ADRA1B: variants seen among roughly 807,000 people sequenced by gnomAD.
ADRA1B encodes alpha-1B adrenergic receptor.
ADRA1B carries 17 observed loss-of-function variants against 17.9 expected under a neutral mutation model. The ratio of observed to expected loss-of-function variants is 0.95; its 90% CI spans 0.65 to 1.42. The LOEUF is 1.42. Ranked by LOEUF, ADRA1B falls within the 40% of genes most tolerant of loss-of-function variation. The pLI, the probability that ADRA1B is intolerant of heterozygous loss-of-function variation, is 0.00. For missense variants in ADRA1B, 681 were observed against 722.1 expected (o/e 0.94, Z 0.65); for synonymous variants, 366 against 327.6 (o/e 1.12, Z -1.27).
At chr5:159,909,657 C>T (rs1398660655) in intron 1 of ADRA1B, among the ~76,000 whole-genome samples, 1 of 152,210 alleles carries the variant, frequency 6.6e-6, no homozygotes, top group Admixed American at 6.5e-5. Context: ...AGACTGTAAA[C>T]TACGGGAGGA....
At chr5:159,977,475 G>A (rs1436506756), downstream of ADRA1B, among the ~76,000 whole-genome samples, 1 of 152,208 alleles carries the variant, frequency 6.6e-6, no homozygotes. Context: ...TTGGAGGGAT[G>A]GGGGTGATGG....
At chr5:159,918,461 A>G (rs1754391897) in intron 1 of ADRA1B, among the ~76,000 whole-genome samples, 1 of 152,208 alleles carries the variant, frequency 6.6e-6, no homozygotes, top group African/African-American at 2.4e-5. Context: ...CACAGCCCCA[A>G]CCAGCCTTTA....
intron 1 of ADRA1B, chr5:159,868,832 G>A: frequency 6.6e-6 from 1 of 152,164 alleles, no homozygotes; most frequent in Admixed American, 6.6e-5. Flanking sequence ...TTTGACCACA[G>A]TCAATATACT....
chr5:159,955,075 C>T, intron 1 of ADRA1B: 3 of 883,950 alleles, frequency 3.4e-6, no homozygotes, highest in South Asian at 1.0e-4. Context: ...CTAATCATTT[C>T]ATTATACAAT....
intron 1 of ADRA1B, chr5:159,888,213 C>A (rs1207782083): frequency 6.6e-6 from 1 of 152,138 alleles, no homozygotes; most frequent in Non-Finnish European, 1.5e-5. Flanking sequence ...TCATGACCGT[C>A]ACTGTAAACA....
At chr5:159,912,660 G>T (rs150772103), upstream of ADRA1B, among the ~76,000 whole-genome samples, 1 of 152,232 alleles carries the variant, frequency 6.6e-6, no homozygotes, top group East Asian at 1.9e-4. Flanking sequence ...AGACAACAAT[G>T]CTTTGAATAC....
chr5:159,938,610 G>C (rs1755019699), intron 1 of ADRA1B, among the ~76,000 whole-genome samples: 2 of 152,094 alleles, frequency 1.3e-5, no homozygotes, highest in Non-Finnish European at 2.9e-5. Context: ...TGTGAACAAT[G>C]CAAAAAAAGA....
At chr5:159,976,649 C>CAAA (rs778613423), downstream of ADRA1B, among the ~76,000 whole-genome samples, 19 of 100,390 alleles carry the variant, frequency 1.9e-4, no homozygotes, top group East Asian at 8.3e-4. Context: ...CTCACTGTCT[C>CAAA]AAAAAAAAAA....
At chr5:159,983,876 T>C in the ADRA1B span, among the ~76,000 whole-genome samples, 3 of 151,938 alleles carry the variant, frequency 2.0e-5, no homozygotes, top group African/African-American at 7.3e-5. Flanking sequence ...ACGTTTATAC[T>C]CCCTGACTCC....
intron 1 of ADRA1B, among the ~76,000 whole-genome samples, chr5:159,927,539 C>A (rs1489330643): frequency 6.6e-6 from 1 of 152,004 alleles, no homozygotes; most frequent in Non-Finnish European, 1.5e-5. Context: ...CCCAGCTTTG[C>A]GAATGCTCTG....
upstream of ADRA1B, chr5:159,916,317 C>T (rs1396371749): frequency 6.6e-6 from 1 of 152,000 alleles, no homozygotes; most frequent in Non-Finnish European, 1.5e-5. Flanking sequence ...CCCGCCCCGC[C>T]CCCCGCAGAG....
chr5:159,931,394 A>G (rs1754799657), intron 1 of ADRA1B, among the ~76,000 whole-genome samples: 1 of 80,090 alleles, frequency 1.2e-5, no homozygotes, highest in African/African-American at 4.9e-5. Context: ...ACCCTATCTC[A>G]AAAAAAAAAA....
chr5:159,885,669 A>T (rs549012668), intron 1 of ADRA1B, among the ~76,000 whole-genome samples: 1 of 152,318 alleles, frequency 6.6e-6, no homozygotes, highest in South Asian at 2.1e-4. Context: ...GACACCACTG[A>T]GGCACTTATT....
intron 1 of ADRA1B, chr5:159,950,752 T>C: frequency 1.6e-6 from 1 of 636,456 alleles, no homozygotes; most frequent in Non-Finnish European, 2.9e-6. Context: ...GGCAGGTTTT[T>C]CGAGACGGCA....
chr5:159,874,391 G>A (rs1753780872), intron 1 of ADRA1B, among the ~76,000 whole-genome samples: 1 of 152,208 alleles, frequency 6.6e-6, no homozygotes, highest in Non-Finnish European at 1.5e-5. Flanking sequence ...CTGAAGCTCT[G>A]TAGAGCTGTG....
intron 1 of ADRA1B, among the ~76,000 whole-genome samples, chr5:159,894,471 AAT>A (rs1754021205): frequency 6.6e-6 from 1 of 152,190 alleles, no homozygotes; most frequent in Non-Finnish European, 1.5e-5. Context: ...CACACATGTA[AAT>A]ATTTACACTT....
intron 1 of ADRA1B, among the ~76,000 whole-genome samples, chr5:159,946,307 A>G (rs1043402387): frequency 2.0e-5 from 3 of 152,228 alleles, no homozygotes; most frequent in African/African-American, 7.2e-5. Context: ...ATGCATACAA[A>G]CTGTGTGACA....
intron 1 of ADRA1B, chr5:159,868,234 A>T (rs1186684915): frequency 6.6e-6 from 1 of 152,246 alleles, no homozygotes; most frequent in Non-Finnish European, 1.5e-5. Flanking sequence ...AATGATAATA[A>T]ATTATGTACA....
At chr5:159,941,919 CTTTTTTT>C (rs70987983) in intron 1 of ADRA1B, among the ~76,000 whole-genome samples, 1 of 122,138 alleles carries the variant, frequency 8.2e-6, no homozygotes, top group Non-Finnish European at 1.7e-5. Flanking sequence ...TACTGGGTTT[CTTTTTTT>C]TTTTTTTTTT....
Sources: gnomAD v4.1 joint callset for allele counts (sites outside exome capture counted in the v4.1 genomes callset) on GRCh38, gnomAD v4.1.1 for gene constraint, MANE v1.5 for transcripts, NCBI Gene and HGNC (gene_info 2026-07-23, HGNC 2026-07-21) for gene names.